The following DLGAP2 variants were observed in gnomAD, a reference collection of about 807,000 sequenced individuals.
The protein encoded by DLGAP2 is disks large-associated protein 2.
Under a neutral mutation model 100.3 loss-of-function variants are expected in DLGAP2, and 26 were observed. The observed-to-expected ratio is 0.26, with a 90% CI of 0.19 to 0.36. The LOEUF is 0.36. Ranked by LOEUF, DLGAP2 falls within the 10% of genes least tolerant of loss-of-function variation. The pLI is 1.00. For missense variants in DLGAP2, 1,858 were observed against 1,453.2 expected (o/e 1.28, Z -4.53); for synonymous variants, 886 against 630.1 (o/e 1.41, Z -6.08).
intron 2 of DLGAP2, among the ~76,000 whole-genome samples, chr8:1,163,576 G>C (rs1796933812): frequency 6.6e-6 from 1 of 152,254 alleles, no homozygotes. Context: ...GGGGCAGAGA[G>C]CTGCGTGAGC....
chr8:1,597,939 C>T (rs953299391), intron 6 of DLGAP2, among the ~76,000 whole-genome samples: 13 of 152,192 alleles, frequency 8.5e-5, no homozygotes, highest in Non-Finnish European at 1.9e-4. Context: ...GCATCCCTGT[C>T]TTGTGCCAGT....
chr8:1,334,945 G>A (rs1395784837), intron 3 of DLGAP2, among the ~76,000 whole-genome samples: 1 of 152,158 alleles, frequency 6.6e-6, no homozygotes, highest in Non-Finnish European at 1.5e-5. Context: ...TCTCCCATCA[G>A]GCAGTATCCC....
At chr8:1,011,464 G>A (rs149256667) in intron 2 of DLGAP2, among the ~76,000 whole-genome samples, 1 of 148,254 alleles carries the variant, frequency 6.7e-6, no homozygotes, top group Non-Finnish European at 1.5e-5. Flanking sequence ...GCCCTGGAAT[G>A]GGGGGTCTCA....
intron 2 of DLGAP2, among the ~76,000 whole-genome samples, chr8:1,167,116 A>C (rs990948418): frequency 6.6e-6 from 1 of 152,156 alleles, no homozygotes; most frequent in South Asian, 2.1e-4. Flanking sequence ...AGCCTGGGCA[A>C]CTGATCAAGG....
At chr8:1,162,016 C>G (rs1563222583) in intron 2 of DLGAP2, among the ~76,000 whole-genome samples, 1 of 152,226 alleles carries the variant, frequency 6.6e-6, no homozygotes, top group African/African-American at 2.4e-5. Flanking sequence ...GCAAGATGCA[C>G]TGGCTGGACC....
chr8:1,125,239 C>A (rs1460616201), intron 2 of DLGAP2, among the ~76,000 whole-genome samples: 1 of 152,340 alleles, frequency 6.6e-6, no homozygotes, highest in East Asian at 1.9e-4. Flanking sequence ...TTGTAAAAAT[C>A]TCCCTGTAAG....
At chr8:1,332,501 A>G (rs2117062172) in intron 3 of DLGAP2, among the ~76,000 whole-genome samples, 1 of 152,118 alleles carries the variant, frequency 6.6e-6, no homozygotes, top group Non-Finnish European at 1.5e-5. Flanking sequence ...ACATCTGTGT[A>G]CTCATATCTG....
intron 6 of DLGAP2, among the ~76,000 whole-genome samples, chr8:1,577,710 AG>A (rs1290280538): frequency 2.6e-5 from 4 of 152,170 alleles, no homozygotes; most frequent in Non-Finnish European, 2.9e-5. Context: ...ACAGGTGTCA[AG>A]AGCAGCCCGG....
At chr8:1,496,233 G>T (rs1037500944) in intron 3 of DLGAP2, among the ~76,000 whole-genome samples, 1 of 152,090 alleles carries the variant, frequency 6.6e-6, no homozygotes, top group African/African-American at 2.4e-5. Context: ...ACTCAGGAGA[G>T]CCCTGTTGCA....
chr8:1,081,426 A>T (rs577575469), intron 2 of DLGAP2, among the ~76,000 whole-genome samples: 1 of 152,246 alleles, frequency 6.6e-6, no homozygotes, highest in Admixed American at 6.5e-5. Context: ...GCCTTGGCTC[A>T]CTGCAACCTT....
At chr8:1,600,013 T>G (rs190366768) in intron 6 of DLGAP2, among the ~76,000 whole-genome samples, 355 of 152,246 alleles carry the variant, frequency 2.3e-3, no homozygotes, top group African/African-American at 8.3e-3. Context: ...CTGGTACCGG[T>G]TTTTGCTTTC....
chr8:1,110,447 TG>T (rs1392481648), intron 2 of DLGAP2, among the ~76,000 whole-genome samples: 2 of 149,656 alleles, frequency 1.3e-5, no homozygotes, highest in East Asian at 4.1e-4. Context: ...TGACACGTGC[TG>T]GGTCTGTGGG....
chr8:1,344,603 C>T (rs147478819), intron 3 of DLGAP2, among the ~76,000 whole-genome samples: 81 of 152,276 alleles, frequency 5.3e-4, no homozygotes, highest in African/African-American at 1.8e-3. Flanking sequence ...GTGCATGTAC[C>T]TCTGTGTTCA....
intron 2 of DLGAP2, among the ~76,000 whole-genome samples, chr8:1,126,044 G>A (rs1296726770): frequency 6.6e-6 from 1 of 152,216 alleles, no homozygotes; most frequent in African/African-American, 2.4e-5. Context: ...TGTATCCCCT[G>A]CCATGGTCTT....
intron 1 of DLGAP2, among the ~76,000 whole-genome samples, chr8:858,622 A>T (rs1204306919): frequency 6.8e-6 from 1 of 148,048 alleles, no homozygotes. Flanking sequence ...TGATGCTGTC[A>T]CCGTGGGCAC....
chr8:1,583,677 A>T (rs1796021478), intron 6 of DLGAP2, among the ~76,000 whole-genome samples: 2 of 152,096 alleles, frequency 1.3e-5, no homozygotes, highest in South Asian at 2.1e-4. Flanking sequence ...TCCATTTGGT[A>T]TCTGGGCTCT....
intron 1 of DLGAP2, among the ~76,000 whole-genome samples, chr8:905,171 G>A (rs1289942599): frequency 1.3e-5 from 2 of 152,166 alleles, no homozygotes; most frequent in African/African-American, 4.8e-5. Flanking sequence ...AGTATAAAGA[G>A]CTACCTGGCG....
intron 4 of DLGAP2, among the ~76,000 whole-genome samples, chr8:1,514,845 C>G (rs1800303899): frequency 6.6e-6 from 1 of 152,192 alleles, no homozygotes; most frequent in Non-Finnish European, 1.5e-5. Context: ...AGCGTGATGC[C>G]ACCCAGAGTC....
At chr8:931,386 G>A (rs937582021) in intron 2 of DLGAP2, among the ~76,000 whole-genome samples, 3 of 152,198 alleles carry the variant, frequency 2.0e-5, no homozygotes, top group Non-Finnish European at 2.9e-5. Flanking sequence ...TGCCTCTCCC[G>A]CCTCCTGGCT....
Sources: allele counts gnomAD v4.1 joint callset (sites outside exome capture counted in the v4.1 genomes callset), GRCh38; gene constraint gnomAD v4.1.1; transcripts MANE v1.5; gene names NCBI Gene and HGNC (gene_info 2026-07-23, HGNC 2026-07-21).